NOL12: variants seen among roughly 807,000 people sequenced by gnomAD.
NOL12 encodes nucleolar protein 12.
A neutral mutation model predicts 25.2 loss-of-function variants in NOL12; 21 were observed. The observed-to-expected ratio is 0.83, with a 90% CI of 0.59 to 1.20. The LOEUF is 1.20. Ranked by LOEUF, NOL12 falls within the 50% of genes most tolerant of loss-of-function variation. The pLI, the probability that NOL12 is intolerant of heterozygous loss-of-function variation, is 0.00. For synonymous variants in NOL12, 133 were observed against 113.8 expected (o/e 1.17, Z -1.08); for missense variants, 286 against 287.6 (o/e 0.99, Z 0.04).
rs894145540 is a variant in NOL12 at position 37,692,293 on chromosome 22, G to T, written c.*957G>T. On this transcript the variant is annotated 3_prime_UTR_variant, in exon 6 of 6. Coordinates refer to ENST00000359114, the MANE Select transcript of NOL12 (RefSeq NM_024313.3). ...AATCACTTGAACCCTGGAGGCGGAGGCTGCAGTGAGCCGAGATCACGCCAT... is the reference window on the plus strand; with the variant it reads ...AATCACTTGAACCCTGGAGGCGGAGTCTGCAGTGAGCCGAGATCACGCCAT... 2.6e-6 allele frequency: 1 copy of T among 384,828 alleles called. No individual in the cohort carries two copies. Among genetic ancestry groups the T allele is most frequent in the Non-Finnish European group, 4.6e-6 (1 of 217,830 alleles). 23.8% of individuals were successfully genotyped at this position (384,828 alleles called of 1,614,324 possible).
chr22:37,691,363 C>T lies in NOL12; in HGVS notation c.*27C>T. ...ACCGAGAACGAAGCGGTGCCCCAGT[C>T]TAGGCTGCGGGGACCTGTCCTTGCT... is the stretch of plus-strand genomic sequence containing the variant. On this transcript the variant is annotated 3_prime_UTR_variant, in exon 6 of 6. Transcript: ENST00000359114. The T allele has an allele frequency of 6.3e-7, 1 of 1,583,422 alleles. No homozygotes were observed. Among genetic ancestry groups the T allele is most frequent in the Non-Finnish European group, 8.6e-7 (1 of 1,162,482 alleles).
At chr22:37,688,447 C>A in intron 3 of NOL12, 87 bp downstream of exon 3, 1 of 1,430,510 alleles carries the variant, frequency 7.0e-7, no homozygotes, top group African/African-American at 1.4e-5. Context: ...AAGCTGACCT[C>A]CTTGGCCCTA....
chr22:37,690,711 C>T lies in NOL12; in HGVS notation c.396C>T (p.Asp132=), dbSNP rs766690600. The change falls in exon 5 of 6, where the codon GAC becomes GAT. Residue 132 remains aspartate (D), a synonymous_variant. Transcript: ENST00000359114. ...TGCCTCTTTAGGGAGGGGCTGGAGA[C>T]AGGTCTGAGGAGGAGGCGTCATCCA... ...GLTPPEGGAG[D]RSEEEASSTE... 2.5e-6 allele frequency: 4 copies of T among 1,613,118 alleles called. No individual in the cohort carries two copies. Among genetic ancestry groups the T allele is most frequent in the Non-Finnish European group, 3.4e-6 (4 of 1,179,370 alleles).
chr22:37,691,255 C>T lies in NOL12; in HGVS notation c.561C>T (p.Ser187=). 6.2e-7 allele frequency: 1 copy of T among 1,614,070 alleles called. No homozygotes were observed. Among genetic ancestry groups the T allele is most frequent in the Non-Finnish European group, 8.5e-7 (1 of 1,179,996 alleles). ...KRKHPRRAQD[S]KKPPRAPRTS... ...AACATCCCCGACGGGCCCAGGACTC[C>T]AAAAAGCCCCCAAGGGCCCCTCGTA... The change falls in exon 6 of 6, where the codon TCC becomes TCT. Residue 187 remains serine, a synonymous_variant. Transcript: ENST00000359114.
At chr22:37,690,101 G>C (rs1170311208) in intron 4 of NOL12, among the ~76,000 whole-genome samples, 4 of 152,212 alleles carry the variant, frequency 2.6e-5, no homozygotes, top group African/African-American at 9.6e-5. Context: ...AACCTGGGAG[G>C]TGGAGGTTGT....
chr22:37,689,777 C>G (rs575977178), intron 4 of NOL12, among the ~76,000 whole-genome samples: 3 of 152,244 alleles, frequency 2.0e-5, no homozygotes, highest in Admixed American at 2.0e-4. Context: ...CCTGTAATCC[C>G]GGCATTTTGG....
Position 37,691,168 on chromosome 22 carries a change from C to T in NOL12, c.480-6C>T, listed in dbSNP as rs757067119. Reference sequence around the variant, plus strand: ...TCTTAAACTGAGGCTTTCTGCCCTCCCCTAGGATCTCCTCCCTCACAGCAT... The same window carrying T: ...TCTTAAACTGAGGCTTTCTGCCCTCTCCTAGGATCTCCTCCCTCACAGCAT... On this transcript the variant is annotated splice_polypyrimidine_tract_variant and splice_region_variant and intron_variant, in intron 5 of 5. Coordinates refer to ENST00000359114, the MANE Select transcript of NOL12 (RefSeq NM_024313.3). 10 of 1,603,110 alleles carry T rather than the reference C, an allele frequency of 6.2e-6. No homozygotes were observed. In the South Asian group the frequency reaches 8.9e-5, roughly 14 times the overall value.
In NOL12 at chr22:37,692,202, C is replaced by G. The variant is rs1323532864; in HGVS notation, c.*866C>G. On this transcript the variant is annotated 3_prime_UTR_variant, in exon 6 of 6. Coordinates refer to ENST00000359114, the MANE Select transcript of NOL12 (RefSeq NM_024313.3). ...TGAAACCCTGTCTCTACTAAAAATG[C>G]AAAAATTAGCCAGGTGTGGTGGCAC... 3 of 256,666 alleles carry G rather than the reference C, an allele frequency of 1.2e-5. No individual in the cohort carries two copies. The highest frequency in any genetic ancestry group is 6.9e-5 in the East Asian group (1 of 14,558). 15.9% of individuals were successfully genotyped at this position (256,666 alleles called of 1,614,324 possible). A position where few individuals can be genotyped will look rare whatever the true frequency, so the allele number is the denominator to read the frequency against.
In NOL12 at chr22:37,688,952, A is replaced by C; in HGVS notation, c.341A>C (p.Asp114Ala). The C allele has an allele frequency of 6.2e-7, 1 of 1,612,684 alleles. No individual in the cohort carries two copies. The highest frequency in any genetic ancestry group is 1.3e-5 in the African/African-American group (1 of 74,580). ...ACCGTGACCACCATCAGTGACCTGG[A>C]CCTCTCGGGGGCCCGGCTGCTCGGG... is the stretch of plus-strand genomic sequence containing the variant. ...TVTVTTISDL[D>A]LSGARLLGLT... Residue 114 changes from aspartate to alanine, a missense_variant, in exon 4 of 6, where the codon GAC (aspartate) becomes GCC (alanine). Transcript: ENST00000359114.
chr22:37,691,213 C>G lies in NOL12; in HGVS notation c.519C>G (p.Arg173=), dbSNP rs1922051003. ...CAGCATCACTACATGCACACAGCCGCAAAAAGGTCAAGAGGAAACATCCCC... is the reference window on the plus strand; with the variant it reads ...CAGCATCACTACATGCACACAGCCGGAAAAAGGTCAAGAGGAAACATCCCC... ...SLTASLHAHS[R]KKVKRKHPRR... is the part of the protein sequence containing the mutation. The change falls in exon 6 of 6, where the codon CGC becomes CGG. Residue 173 remains arginine, a synonymous_variant. Coordinates refer to ENST00000359114, the MANE Select transcript of NOL12 (RefSeq NM_024313.3). 2.5e-6 allele frequency: 4 copies of G among 1,613,742 alleles called. No individual in the cohort carries two copies. In the African/African-American group the frequency reaches 5.3e-5, roughly 22 times the overall value.
chr22:37,687,871 A>G, intron 1 of NOL12, 39 bp from the exon 2 acceptor site: 1 of 1,489,458 alleles, frequency 6.7e-7, no homozygotes, highest in Non-Finnish European at 9.2e-7. Flanking sequence ...CTCTCCTTGT[A>G]TAATGACTCT....
Position 37,689,058 on chromosome 22 carries a change from A to C in NOL12, c.381+66A>C, listed in dbSNP as rs917224942. On this transcript the variant is annotated intron_variant, in intron 4 of 5. Coordinates refer to ENST00000359114, the MANE Select transcript of NOL12 (RefSeq NM_024313.3). The stretch of plus-strand genomic sequence containing the variant: ...GCAGACCAGCTTGTCAGGGTTGCTC[A>C]GTGCTGGCCCATGTCATGGGTATCC... 3.2e-6 allele frequency: 5 copies of C among 1,557,134 alleles called. No individual in the cohort carries two copies. In the African/African-American group the frequency reaches 6.8e-5, roughly 21 times the overall value.
At chr22:37,689,350 G>A (rs1488916271) in intron 4 of NOL12, among the ~76,000 whole-genome samples, 1 of 152,174 alleles carries the variant, frequency 6.6e-6, no homozygotes, top group Non-Finnish European at 1.5e-5. Context: ...TTGGTATGAG[G>A]GTGAAAGTGG....
intron 4 of NOL12, 33 bp downstream of exon 4, chr22:37,689,025 G>A: frequency 6.2e-7 from 1 of 1,604,806 alleles, no homozygotes; most frequent in Middle Eastern, 1.7e-4. Flanking sequence ...GGAGGAAGGG[G>A]CGTGGGGGCA....
Position 37,692,477 on chromosome 22 carries a change from G to A in NOL12, c.*1141G>A, listed in dbSNP as rs939494635. On this transcript the variant is annotated 3_prime_UTR_variant, in exon 6 of 6. Transcript: ENST00000359114. ...GGGCCATGTCTTCACACTCCTTCCAGATGGATGAGTTGATGGAAACCCTGT... is the reference window on the plus strand; with the variant it reads ...GGGCCATGTCTTCACACTCCTTCCAAATGGATGAGTTGATGGAAACCCTGT... The A allele has an allele frequency of 2.5e-6, 1 of 398,604 alleles. No individual in the cohort carries two copies. Among genetic ancestry groups the A allele is most frequent in the African/African-American group, 2.1e-5 (1 of 48,646 alleles). 24.7% of individuals were successfully genotyped at this position (398,604 alleles called of 1,614,324 possible). A position where few individuals can be genotyped will look rare whatever the true frequency, so the allele number is the denominator to read the frequency against.
rs891238221 is a variant in NOL12 at position 37,692,823 on chromosome 22, G to A, written c.*1487G>A. ...TTACAGTGGGGCAGGCTTAGTGACTGTGCCTCAGTTATGCTGTACCTGGGA... is the reference window on the plus strand; with the variant it reads ...TTACAGTGGGGCAGGCTTAGTGACTATGCCTCAGTTATGCTGTACCTGGGA... On this transcript the variant is annotated 3_prime_UTR_variant, in exon 6 of 6. Transcript: ENST00000359114. The A allele has an allele frequency of 7.5e-6, 3 of 397,702 alleles. No individual in the cohort carries two copies. The highest frequency in any genetic ancestry group is 1.3e-5 in the Non-Finnish European group (3 of 226,074). 24.6% of individuals were successfully genotyped at this position (397,702 alleles called of 1,614,324 possible).
intron 4 of NOL12, among the ~76,000 whole-genome samples, chr22:37,689,385 C>T (rs922328034): frequency 6.6e-6 from 1 of 152,210 alleles, no homozygotes; most frequent in African/African-American, 2.4e-5. Flanking sequence ...TCACCTGGCA[C>T]AGTGCCCAGC....
In NOL12 at chr22:37,691,096, C is replaced by G. The variant is rs553297371; in HGVS notation, c.480-78C>G. On this transcript the variant is annotated intron_variant, in intron 5 of 5. Transcript: ENST00000359114. ...GCGGTCCTGGCATTCGCAACCTGTC[C>G]TGACATCCCCTCCGTGAGCCAGGTG... 8.3e-4 allele frequency: 1,241 copies of G among 1,503,678 alleles called. 3 individuals carry two copies. The highest frequency in any genetic ancestry group is 1.0e-3 in the Non-Finnish European group (1,133 of 1,109,104). 93.1% of individuals were successfully genotyped at this position (1,503,678 alleles called of 1,614,324 possible).
intron 2 of NOL12, 41 bp downstream of exon 2, chr22:37,688,056 G>A: frequency 6.7e-7 from 1 of 1,497,760 alleles, no homozygotes; most frequent in Non-Finnish European, 9.1e-7. Context: ...TTGATTCTTA[G>A]GGCACTTGCA....
Sources: allele counts gnomAD v4.1 joint callset (sites outside exome capture counted in the v4.1 genomes callset), GRCh38; gene constraint gnomAD v4.1.1; transcripts MANE v1.5; gene names NCBI Gene and HGNC (gene_info 2026-07-23, HGNC 2026-07-21).